Variants in SEMA3D observed in about 807,000 individuals in gnomAD.
The protein encoded by SEMA3D is semaphorin-3D.
Under a neutral mutation model 100.1 loss-of-function variants are expected in SEMA3D, and 84 were observed. The observed-to-expected ratio is 0.84, with a 90% CI of 0.70 to 1.01. The LOEUF (loss-of-function observed/expected upper bound fraction) is 1.01, where lower values mean the gene tolerates loss of function less well. SEMA3D is among the 50% of genes least tolerant of loss of function. The probability of loss-of-function intolerance (pLI) is 0.00; values close to 1 mark genes in which losing one functional copy is unlikely to be tolerated. For synonymous variants in SEMA3D, 312 were observed against 320.7 expected (o/e 0.97, Z 0.29); for missense variants, 875 against 934.1 (o/e 0.94, Z 0.82).
chr7:85,069,305 A>G (rs1426795655), intron 6 of SEMA3D, among the ~76,000 whole-genome samples: 1 of 152,206 alleles, frequency 6.6e-6, no homozygotes, highest in Admixed American at 6.5e-5. Context: ...AACAAGACCA[A>G]TAGTAACTAT....
chr7:85,145,511 T>C (rs1245934425), intron 2 of SEMA3D, among the ~76,000 whole-genome samples: 1 of 152,070 alleles, frequency 6.6e-6, no homozygotes, highest in African/African-American at 2.4e-5. Context: ...TGCTGGAATC[T>C]TGGAAGACTA....
chr7:85,072,434 T>C lies in SEMA3D; in HGVS notation c.495+528A>G, dbSNP rs188898529. Among the ~76,000 whole-genome samples, 400 of 152,240 alleles carry C rather than the reference T, an allele frequency of 2.6e-3. 4 individuals are homozygous for C. The highest frequency in any genetic ancestry group is 9.2e-3 in the African/African-American group (384 of 41,538). On this transcript the variant is annotated intron_variant, in intron 6 of 18. Coordinates refer to ENST00000284136, the MANE Select transcript of SEMA3D (RefSeq NM_001384900.1). ...AATGAAATTATTTATATAATGCAAT[T>C]CCACTGCAAGATCTTATGGAAAATG...
chr7:85,218,531 T>C, the SEMA3D span, among the ~76,000 whole-genome samples: 2 of 152,230 alleles, frequency 1.3e-5, no homozygotes, highest in East Asian at 3.9e-4. Flanking sequence ...GACTTTACAT[T>C]ACAATGTGCA....
At chr7:85,145,622 CA>C (rs922760382) in intron 2 of SEMA3D, among the ~76,000 whole-genome samples, 8 of 151,426 alleles carry the variant, frequency 5.3e-5, no homozygotes, top group African/African-American at 1.9e-4. Context: ...TTTAATAATA[CA>C]AAAAGCCAAA....
At chr7:85,157,104 C>CA (rs35534105) in intron 1 of SEMA3D, among the ~76,000 whole-genome samples, 104,425 of 151,950 alleles carry the variant, frequency 0.69, 37,033 homozygotes, top group East Asian at 0.92. Flanking sequence ...GTTTCTGGCA[C>CA]AGCCTACCTT....
At chr7:85,174,341 C>G (rs901859207) in intron 1 of SEMA3D, among the ~76,000 whole-genome samples, 1 of 151,976 alleles carries the variant, frequency 6.6e-6, no homozygotes, top group Non-Finnish European at 1.5e-5. Context: ...ACAATAAATA[C>G]TCATTAAAGA....
chr7:85,112,576 T>C (rs1470611478), intron 3 of SEMA3D, among the ~76,000 whole-genome samples: 1 of 152,192 alleles, frequency 6.6e-6, no homozygotes, highest in Non-Finnish European at 1.5e-5. Context: ...GGCCTTGAAC[T>C]AGATAAATAA....
intron 2 of SEMA3D, chr7:85,144,228 C>T (rs1249661674): frequency 6.5e-6 from 1 of 153,192 alleles, no homozygotes; most frequent in African/African-American, 2.4e-5. Flanking sequence ...ATTTTATTAG[C>T]AATAAAAATT....
chr7:85,091,659 G>A (rs1046554462), intron 4 of SEMA3D, among the ~76,000 whole-genome samples: 6 of 151,996 alleles, frequency 3.9e-5, no homozygotes, highest in African/African-American at 1.2e-4. Context: ...TAGTCAAACT[G>A]ACAGTTACTA....
In SEMA3D at chr7:85,183,877, T is replaced by G. The variant is rs73195921; in HGVS notation, c.-173+2801A>C. Among the ~76,000 whole-genome samples, 1,157 of 152,338 alleles carry G rather than the reference T, an allele frequency of 7.6e-3. 9 individuals carry two copies. Among genetic ancestry groups the G allele is most frequent in the Non-Finnish European group, 0.012 (797 of 68,016 alleles). On this transcript the variant is annotated intron_variant, in intron 1 of 18. Coordinates refer to ENST00000284136, the MANE Select transcript of SEMA3D (RefSeq NM_001384900.1). ...GGTACTGAAATACGAAGTAAATTTT[T>G]AGGTATTCAGGTCATGAGGACAATA...
intron 11 of SEMA3D, among the ~76,000 whole-genome samples, chr7:85,040,144 T>G (rs1400678286): frequency 1.3e-5 from 2 of 151,756 alleles, no homozygotes; most frequent in African/African-American, 4.9e-5. Flanking sequence ...GCCCAGCTAT[T>G]TTTTTATTTA....
Position 85,006,797 on chromosome 7 carries a change from C to T in SEMA3D, c.1908+5G>A, listed in dbSNP as rs201383170. ...AGTGAGTATTCTTTGATGACAACAG[C>T]TTACCTCCTCTCGATGCTCATCCCC... On this transcript the variant is annotated splice_donor_5th_base_variant and intron_variant, in intron 18 of 18. Coordinates refer to ENST00000284136, the MANE Select transcript of SEMA3D (RefSeq NM_001384900.1). 5.6e-5 allele frequency: 88 copies of T among 1,585,428 alleles called. 1 individual carries two copies. The East Asian group carries it at 1.5e-3, about 27-fold the overall frequency.
At chr7:85,104,149 C>G (rs971783707) in intron 3 of SEMA3D, among the ~76,000 whole-genome samples, 3 of 152,032 alleles carry the variant, frequency 2.0e-5, no homozygotes, top group African/African-American at 7.2e-5. Flanking sequence ...GTGACTTTTG[C>G]AGGCAATGAC....
At chr7:85,168,070 A>C (rs773250164) in intron 1 of SEMA3D, among the ~76,000 whole-genome samples, 29 of 151,968 alleles carry the variant, frequency 1.9e-4, no homozygotes, top group Non-Finnish European at 2.7e-4. Flanking sequence ...ATAATAATTG[A>C]AAAGTTTGAC....
chr7:84,999,817 G>C lies in SEMA3D; in HGVS notation c.1957C>G (p.Arg653Gly), dbSNP rs542894514. 7.4e-6 allele frequency: 12 copies of C among 1,613,804 alleles called. No homozygotes were observed. Among genetic ancestry groups the C allele is most frequent in the East Asian group, 6.7e-5 (3 of 44,882 alleles). ...IIKTEYGLLI[R>G]SLQKKDSGMY... ...CCAGAATCCTTCTTCTGCAAACTTC[G>C]AATCAGTAGCCCATATTCCGTTTTG... is the stretch of plus-strand genomic sequence containing the variant. The change falls in exon 19 of 19, where the codon CGA becomes GGA. Residue 653 changes from arginine to glycine, a missense_variant. Arg to Gly is a moderately radical substitution (Grantham distance 125). Transcript: ENST00000284136.
intron 4 of SEMA3D, among the ~76,000 whole-genome samples, chr7:85,097,322 C>A (rs1279057526): frequency 6.6e-6 from 1 of 151,532 alleles, no homozygotes; most frequent in Non-Finnish European, 1.5e-5. Context: ...GTAGGAGAAA[C>A]CTGTTCAGAT....
chr7:85,027,581 C>T (rs925529316), intron 12 of SEMA3D, among the ~76,000 whole-genome samples: 1 of 151,754 alleles, frequency 6.6e-6, no homozygotes, highest in South Asian at 2.1e-4. Context: ...GTTTTGTTAA[C>T]CAAGATTTAT....
At chr7:85,171,248 A>T (rs867036409) in intron 1 of SEMA3D, among the ~76,000 whole-genome samples, 14 of 152,046 alleles carry the variant, frequency 9.2e-5, no homozygotes, top group African/African-American at 3.1e-4. Flanking sequence ...AACAAGGCTG[A>T]GAGGTTAGAG....
At chr7:85,047,263 C>T (rs17159583) in intron 9 of SEMA3D, among the ~76,000 whole-genome samples, 1,949 of 151,928 alleles carry the variant, frequency 0.013, 47 homozygotes, top group African/African-American at 0.042. Flanking sequence ...TTGCATGTTA[C>T]GAATTACTAA....
Sources: allele counts gnomAD v4.1 joint callset (sites outside exome capture counted in the v4.1 genomes callset), GRCh38; gene constraint gnomAD v4.1.1; transcripts MANE v1.5; gene names NCBI Gene and HGNC (gene_info 2026-07-23, HGNC 2026-07-21).